Variants in AKAP19 observed in about 807,000 individuals in gnomAD.
AKAP19 encodes the protein small A-kinase anchoring protein.
chr2:190,144,835 G>T, the AKAP19 span, among the ~76,000 whole-genome samples: 1 of 152,156 alleles, frequency 6.6e-6, no homozygotes, highest in African/African-American at 2.4e-5. Context: ...AAATTAGCCA[G>T]GCACGGTGGC....
chr2:190,094,034 A>G, the AKAP19 span, among the ~76,000 whole-genome samples: 1 of 152,170 alleles, frequency 6.6e-6, no homozygotes, highest in African/African-American at 2.4e-5. Flanking sequence ...TGCATTTTCT[A>G]AGGCCCCACA....
At chr2:189,938,393 C>T in the AKAP19 span, among the ~76,000 whole-genome samples, 1 of 151,482 alleles carries the variant, frequency 6.6e-6, no homozygotes, top group Admixed American at 6.6e-5. Context: ...TACTATTCAG[C>T]CATGAAAAAG....
At chr2:189,972,734 C>T in the AKAP19 span, among the ~76,000 whole-genome samples, 1 of 152,108 alleles carries the variant, frequency 6.6e-6, no homozygotes, top group Admixed American at 6.6e-5. Context: ...ATTTTATTCT[C>T]TTTGAAGCAA....
the AKAP19 span, among the ~76,000 whole-genome samples, chr2:190,196,059 T>C: frequency 4.9e-4 from 66 of 134,128 alleles, 1 homozygote; most frequent in African/African-American, 1.6e-3. Context: ...TGCCTTTCAA[T>C]TGTTATTTTT....
chr2:190,030,161 G>T, the AKAP19 span, among the ~76,000 whole-genome samples: 1 of 152,082 alleles, frequency 6.6e-6, no homozygotes, highest in Non-Finnish European at 1.5e-5. Context: ...ATCACCTCAT[G>T]TCCATGTTAT....
chr2:190,073,484 T>C, the AKAP19 span, among the ~76,000 whole-genome samples: 1 of 152,240 alleles, frequency 6.6e-6, no homozygotes, highest in African/African-American at 2.4e-5. Flanking sequence ...TTTGAAGTTG[T>C]GTTATTTACT....
chr2:190,043,619 G>T, the AKAP19 span, among the ~76,000 whole-genome samples: 14 of 152,022 alleles, frequency 9.2e-5, no homozygotes. Flanking sequence ...TATTTTCCTG[G>T]GATTGGGTTT....
the AKAP19 span, among the ~76,000 whole-genome samples, chr2:190,115,540 C>G: frequency 2.7e-5 from 4 of 149,136 alleles, no homozygotes; most frequent in African/African-American, 7.5e-5. Context: ...GGGATGGTCT[C>G]GATCTCCTGA....
At chr2:189,961,926 G>C in the AKAP19 span, among the ~76,000 whole-genome samples, 2 of 150,438 alleles carry the variant, frequency 1.3e-5, no homozygotes, top group African/African-American at 2.4e-5. Flanking sequence ...AAAAAAAAAA[G>C]TATCAGACTC....
At chr2:189,967,807 A>G in the AKAP19 span, among the ~76,000 whole-genome samples, 1 of 152,012 alleles carries the variant, frequency 6.6e-6, no homozygotes, top group Non-Finnish European at 1.5e-5. Context: ...TCTGGGCAAC[A>G]TAATGAGACC....
chr2:190,014,004 G>A, the AKAP19 span, among the ~76,000 whole-genome samples: 1 of 151,776 alleles, frequency 6.6e-6, no homozygotes, highest in African/African-American at 2.4e-5. Flanking sequence ...AGTTCCTTAA[G>A]GCATAACGTT....
chr2:190,042,271 T>C, the AKAP19 span, among the ~76,000 whole-genome samples: 1 of 152,154 alleles, frequency 6.6e-6, no homozygotes, highest in Non-Finnish European at 1.5e-5. Context: ...CAGGAATTTA[T>C]CTATCTCTTC....
the AKAP19 span, among the ~76,000 whole-genome samples, chr2:190,010,366 A>G: frequency 2.4e-3 from 358 of 152,310 alleles, 1 homozygote; most frequent in African/African-American, 8.1e-3. Flanking sequence ...ATGAGGATGC[A>G]GAGGAGGTGC....
chr2:190,023,795 G>GTGTGTATATA, the AKAP19 span, among the ~76,000 whole-genome samples: 1 of 142,834 alleles, frequency 7.0e-6, no homozygotes, highest in African/African-American at 2.6e-5. Context: ...ATGTGTGTGT[G>GTGTGTATATA]TATATATATA....
chr2:189,883,733 T>G, the AKAP19 span, among the ~76,000 whole-genome samples: 1 of 152,134 alleles, frequency 6.6e-6, no homozygotes, highest in Admixed American at 6.6e-5. Flanking sequence ...ATAGCTACAT[T>G]TCTTAGTTTA....
chr2:190,089,895 A>G, the AKAP19 span, among the ~76,000 whole-genome samples: 14 of 152,288 alleles, frequency 9.2e-5, no homozygotes, highest in Admixed American at 7.2e-4. Flanking sequence ...CACAAATTCC[A>G]TATACTATGC....
the AKAP19 span, among the ~76,000 whole-genome samples, chr2:189,936,583 C>G: frequency 1.3e-5 from 2 of 151,970 alleles, no homozygotes; most frequent in East Asian, 1.9e-4. Flanking sequence ...GAAGCAAAAT[C>G]AAGGATATTC....
the AKAP19 span, among the ~76,000 whole-genome samples, chr2:189,999,767 C>T: frequency 6.6e-6 from 1 of 152,080 alleles, no homozygotes; most frequent in Non-Finnish European, 1.5e-5. Flanking sequence ...ATTTTGGTAC[C>T]ACATGTTCTC....
the AKAP19 span, among the ~76,000 whole-genome samples, chr2:190,196,970 G>A: frequency 6.6e-6 from 1 of 152,112 alleles, no homozygotes; most frequent in African/African-American, 2.4e-5. Flanking sequence ...AGGCTGGGAA[G>A]TCCAAGTTTA....
Sources: allele counts gnomAD v4.1 joint callset (sites outside exome capture counted in the v4.1 genomes callset), GRCh38; gene constraint gnomAD v4.1.1; transcripts MANE v1.5; gene names NCBI Gene and HGNC (gene_info 2026-07-23, HGNC 2026-07-21).